Variants in TRMT44 observed in about 807,000 individuals in gnomAD.
TRMT44 encodes the protein tRNA methyltransferase 44 homolog.
TRMT44 carries 78 observed loss-of-function variants against 77.3 expected under a neutral mutation model. That is an observed-to-expected ratio of 1.01 (90% confidence interval 0.84 to 1.22). TRMT44 has a LOEUF of 1.22. TRMT44 is among the 50% of genes most tolerant of loss of function. The probability of loss-of-function intolerance (pLI) is 0.00; values close to 1 mark genes in which losing one functional copy is unlikely to be tolerated. For missense variants in TRMT44, 1,090 were observed against 964.4 expected (o/e 1.13, Z -1.73); for synonymous variants, 391 against 383.3 (o/e 1.02, Z -0.23).
chr4:8,475,349 C>T (rs545744544), intron 10 of TRMT44, among the ~76,000 whole-genome samples: 1 of 152,326 alleles, frequency 6.6e-6, no homozygotes, highest in Admixed American at 6.5e-5. Flanking sequence ...CTCTGCAGGA[C>T]CTGCCTCTCA....
downstream of TRMT44, among the ~76,000 whole-genome samples, chr4:8,498,008 T>G (rs1728199729): frequency 6.6e-6 from 1 of 152,174 alleles, no homozygotes; most frequent in Non-Finnish European, 1.5e-5. The surrounding 1 kb of genome is among the most constrained non-coding windows in gnomAD (Gnocchi z 4.3). Context: ...CAGCTATGCT[T>G]CTCACTGTCC....
downstream of TRMT44, among the ~76,000 whole-genome samples, chr4:8,496,285 G>C (rs1381529967): frequency 6.6e-6 from 1 of 152,202 alleles, no homozygotes; most frequent in Non-Finnish European, 1.5e-5. Context: ...TCCTTTGTAT[G>C]ATGTGTCCAA....
chr4:8,460,891 C>T (rs1726112657), intron 6 of TRMT44, among the ~76,000 whole-genome samples: 1 of 152,094 alleles, frequency 6.6e-6, no homozygotes. Flanking sequence ...AATCTGTTGC[C>T]CAGGCTGGAG....
chr4:8,475,773 T>G lies in TRMT44; in HGVS notation c.2046T>G (p.Val682=). The G allele has an allele frequency of 6.2e-7, 1 of 1,613,994 alleles. No homozygotes were observed. Among genetic ancestry groups the G allele is most frequent in the South Asian group, 1.1e-5 (1 of 91,074 alleles). The change falls in exon 11 of 11, where the codon GTT becomes GTG. Residue 682 remains valine (V), a splice_region_variant and synonymous_variant. Transcript: ENST00000389737. ...LLRNSHQVFQ[V]VNGRVHIRDW... ...TGTCTTCTCTGTTCCAAACCACAGT[T>G]GTGAATGGGAGAGTTCACATCCGCG...
At chr4:8,480,021 C>G (rs1304679870), downstream of TRMT44, among the ~76,000 whole-genome samples, 3 of 152,094 alleles carry the variant, frequency 2.0e-5, no homozygotes, top group East Asian at 5.8e-4. Flanking sequence ...GCTGGGACCA[C>G]AGGCACGTGC....
intron 2 of TRMT44, among the ~76,000 whole-genome samples, chr4:8,492,934 C>T (rs182381983): frequency 6.6e-6 from 1 of 152,310 alleles, no homozygotes; most frequent in East Asian, 1.9e-4. Flanking sequence ...TGTGCCCGAC[C>T]ACCTTGGGCA....
chr4:8,450,702 C>T (rs1725385998), intron 3 of TRMT44, among the ~76,000 whole-genome samples: 1 of 151,750 alleles, frequency 6.6e-6, no homozygotes, highest in African/African-American at 2.4e-5. Flanking sequence ...AGGCAGAAGG[C>T]ATTGCTGGTA....
intron 9 of TRMT44, chr4:8,468,671 G>A: frequency 1.9e-6 from 1 of 532,724 alleles, no homozygotes; most frequent in Non-Finnish European, 3.3e-6. Context: ...GTTACTGAGT[G>A]CAAGCAAAAT....
chr4:8,449,958 T>TTC lies in TRMT44; in HGVS notation c.954+71_954+72insCT. Reference sequence around the variant, plus strand: ...TCTTTTCTTTTCTTTTCTTTTTTTTTTTTTTTTTTTTTTTTTGCGACAGTC... The same window carrying TTC: ...TCTTTTCTTTTCTTTTCTTTTTTTTTTCTTTTTTTTTTTTTTTTGCGACAGTC... On this transcript the variant is annotated intron_variant, in intron 3 of 10. Coordinates refer to ENST00000389737, the MANE Select transcript of TRMT44 (RefSeq NM_152544.3). The TTC allele has an allele frequency of 1.4e-5, 10 of 734,482 alleles. No individual in the cohort carries two copies. In the South Asian group the frequency reaches 2.5e-4, roughly 18 times the overall value. 45.5% of individuals were successfully genotyped at this position (734,482 alleles called of 1,614,324 possible).
chr4:8,466,475 C>T lies in TRMT44; in HGVS notation c.1494+914C>T, dbSNP rs146732323. 3.7e-3 allele frequency among the ~76,000 whole-genome samples: 568 copies of T among 152,364 alleles called. 2 individuals carry two copies. Among genetic ancestry groups the T allele is most frequent in the Middle Eastern group, 0.02 (6 of 294 alleles). ...CTCGCTGGCCGGCTGCCGTCATAGC[C>T]GTGCACCAGGAGCAGCGTTGGCTTG... On this transcript the variant is annotated intron_variant, in intron 8 of 10. Transcript: ENST00000389737.
chr4:8,468,611 G>T, intron 9 of TRMT44: 1 of 580,008 alleles, frequency 1.7e-6, no homozygotes, highest in Non-Finnish European at 3.1e-6. Flanking sequence ...GCAGGTTTAG[G>T]GGCTAGAACT....
chr4:8,469,223 G>C (rs1164052662), intron 9 of TRMT44, among the ~76,000 whole-genome samples: 1 of 152,176 alleles, frequency 6.6e-6, no homozygotes, highest in African/African-American at 2.4e-5. Context: ...ATTCGAACCT[G>C]ATGGTACCTG....
chr4:8,486,536 C>T (rs1466694544), intron 2 of TRMT44, among the ~76,000 whole-genome samples: 1 of 150,418 alleles, frequency 6.6e-6, no homozygotes, highest in Admixed American at 6.7e-5. Context: ...TTTTTGGGAG[C>T]AGATAGGGTA....
At position 8,451,574 on chromosome 4, in the gene TRMT44, C is replaced by G. The variant is rs544464679; in HGVS notation, c.955-386C>G. Reference sequence around the variant, plus strand: ...ATGGACCAGGGGCTGGAGCACTGGTCTCCTAGTTTGTGGCTCGCGGCTCTC... The same window carrying G: ...ATGGACCAGGGGCTGGAGCACTGGTGTCCTAGTTTGTGGCTCGCGGCTCTC... On this transcript the variant is annotated intron_variant, in intron 3 of 10. Transcript: ENST00000389737. This position sits in a 1 kb window ranked among gnomAD's most constrained non-coding sequence, Gnocchi z 4.1. Among the ~76,000 whole-genome samples, 1 of 152,330 alleles carries G rather than the reference C, an allele frequency of 6.6e-6. No individual in the cohort carries two copies. The highest frequency in any genetic ancestry group is 1.5e-5 in the Non-Finnish European group (1 of 68,042).
At chr4:8,480,600 T>A (rs143773858), downstream of TRMT44, among the ~76,000 whole-genome samples, 3 of 152,222 alleles carry the variant, frequency 2.0e-5, no homozygotes, top group Non-Finnish European at 4.4e-5. Context: ...TGGAAGCCGC[T>A]GGTGAGCAAT....
chr4:8,463,356 T>TA (rs1235608632), intron 6 of TRMT44, among the ~76,000 whole-genome samples: 1 of 152,230 alleles, frequency 6.6e-6, no homozygotes. Context: ...TCTTAAATCA[T>TA]AAAAGCAAGC....
intron 10 of TRMT44, among the ~76,000 whole-genome samples, chr4:8,474,144 C>A (rs920343938): frequency 6.6e-6 from 1 of 151,828 alleles, no homozygotes; most frequent in Admixed American, 6.6e-5. Flanking sequence ...AGTGATCCCC[C>A]ACCCCCCATT....
chr4:8,464,668 T>C (rs1181164106), intron 7 of TRMT44, among the ~76,000 whole-genome samples: 4 of 152,238 alleles, frequency 2.6e-5, no homozygotes, highest in Non-Finnish European at 4.4e-5. Flanking sequence ...CAGGCTTCGT[T>C]GTGCTTCCCT....
chr4:8,497,066 T>C (rs1464440631), downstream of TRMT44, among the ~76,000 whole-genome samples: 1 of 151,778 alleles, frequency 6.6e-6, no homozygotes, highest in Non-Finnish European at 1.5e-5. Flanking sequence ...ATTTAGCAGC[T>C]CACTTCAAGG....
Sources: allele counts gnomAD v4.1 joint callset (sites outside exome capture counted in the v4.1 genomes callset), GRCh38; gene constraint gnomAD v4.1.1; non-coding constraint Gnocchi (gnomAD v3.1); transcripts MANE v1.5; gene names NCBI Gene and HGNC (gene_info 2026-07-23, HGNC 2026-07-21).